CLCN1: variants seen among roughly 807,000 people sequenced by gnomAD.
CLCN1 encodes the protein chloride voltage-gated channel 1.
In CLCN1, 100 loss-of-function variants were observed where a neutral mutation model predicts 114.5. The observed-to-expected ratio is 0.87, with a 90% confidence interval of 0.74 to 1.03. The LOEUF is 1.03. Ranked by LOEUF, CLCN1 falls within the 50% of genes least tolerant of loss-of-function variation. The pLI is 0.00. For missense variants in CLCN1, 1,188 were observed against 1,250.0 expected, an observed-to-expected ratio of 0.95 and a Z score of 0.75; for synonymous variants, 485 against 487.1, an observed-to-expected ratio of 1.00 and a Z score of 0.06.
chr7:143,328,892 C>T (rs4725613), intron 7 of CLCN1, among the ~76,000 whole-genome samples: 67,645 of 151,596 alleles, frequency 0.45, 15,781 homozygotes, highest in Non-Finnish European at 0.54. Context: ...CCCTGCTCAT[C>T]CAGAGAATAG....
chr7:143,319,616 A>G lies in CLCN1; in HGVS notation c.181-139A>G, dbSNP rs549465225. 1.8e-4 allele frequency: 160 copies of G among 870,022 alleles called. No individual in the cohort carries two copies. The African/African-American group carries it at 2.5e-3, about 14-fold the overall frequency. The allele number at this position is 870,022 out of a possible 1,614,324, so 53.9% of individuals were successfully genotyped here. On this transcript the variant is annotated intron_variant, in intron 1 of 22. Transcript: ENST00000343257. ...GAGAGTAGAGGGCAGGGATGACCAC[A>G]AAGTCACCCTGCATGCAGTCAACAC... is the stretch of plus-strand genomic sequence containing the variant.
intron 15 of CLCN1, 37 bp from the exon 16 acceptor site, chr7:143,342,335 C>A: frequency 6.2e-7 from 1 of 1,611,404 alleles, no homozygotes; most frequent in Non-Finnish European, 8.5e-7. Flanking sequence ...GATAGGTATA[C>A]GGTGGGGCTA....
In CLCN1 at chr7:143,331,017, G is replaced by A. The variant is rs1195964242; in HGVS notation, c.979+120G>A. ...TAATGGGCGGCATCATTTGTGGGGT[G>A]GGACCAAGGCCCAAGGGTGTATGAC... On this transcript the variant is annotated intron_variant, in intron 8 of 22. Transcript: ENST00000343257. 3.4e-6 allele frequency: 5 copies of A among 1,450,006 alleles called. No individual in the cohort carries two copies. In the Admixed American group the frequency reaches 6.7e-5, roughly 20 times the overall value. The allele number at this position is 1,450,006 out of a possible 1,614,324, so 89.8% of individuals were successfully genotyped here.
intron 2 of CLCN1, among the ~76,000 whole-genome samples, chr7:143,320,251 A>C (rs1477742114): frequency 6.6e-6 from 1 of 152,244 alleles, no homozygotes; most frequent in Non-Finnish European, 1.5e-5. Flanking sequence ...CTGGGATTAG[A>C]GGCGTGAGCC....
At position 143,342,572 on chromosome 7, in the gene CLCN1, G is replaced by T. The variant is rs1437957286; in HGVS notation, c.1930+67G>T. The T allele has an allele frequency of 2.6e-6, 4 of 1,556,880 alleles. No homozygotes were observed. The East Asian group carries it at 9.0e-5, about 35-fold the overall frequency. ...GAATAAGGGTCACATAGAGGTAGAG[G>T]AGGCCCCATGGTGGGGGCTTTGTCT... On this transcript the variant is annotated intron_variant, in intron 16 of 22. Coordinates refer to ENST00000343257, the MANE Select transcript of CLCN1 (RefSeq NM_000083.3).
chr7:143,323,249 G>A, intron 5 of CLCN1, 60 bp from the exon 6 acceptor site: 3 of 878,842 alleles, frequency 3.4e-6, no homozygotes, highest in Non-Finnish European at 5.9e-6. Flanking sequence ...TTAGTCCAGT[G>A]AGTGCTGCAG....
chr7:143,322,045 G>A (rs1366071561), intron 5 of CLCN1, among the ~76,000 whole-genome samples, 197 bp downstream of exon 5: 3 of 152,248 alleles, frequency 2.0e-5, no homozygotes, highest in Non-Finnish European at 2.9e-5. Flanking sequence ...ACAGCTTGGG[G>A]AGCTTGGAGC....
chr7:143,321,794 C>T lies in CLCN1; in HGVS notation c.642C>T (p.Ala214=), dbSNP rs780434904. 4 of 1,614,104 alleles carry T rather than the reference C, an allele frequency of 2.5e-6. No individual in the cohort carries two copies. The highest frequency in any genetic ancestry group is 3.4e-6 in the Non-Finnish European group (4 of 1,180,042). The part of the protein sequence containing the change: ...KEYLTMKAFV[A]KVVALTAGLG... ...ACCTCACAATGAAAGCCTTTGTGGC[C>T]AAGGTTGTCGCCCTGACTGCGGGCC... Residue 214 remains alanine (A), a synonymous_variant, in exon 5 of 23, where the codon GCC becomes GCT. Coordinates refer to ENST00000343257, the MANE Select transcript of CLCN1 (RefSeq NM_000083.3). The surrounding 1 kb of genome is among the most constrained non-coding windows in gnomAD (Gnocchi z 4.2).
Position 143,348,842 on chromosome 7 carries a change from G to A in CLCN1, c.2404-1530G>A, listed in dbSNP as rs77119116. ...AACAGCAACGTCCTGCATCCCTTGCGCAAAAGCTGGAGATGTACCTGGAAT... is the reference window on the plus strand; with the variant it reads ...AACAGCAACGTCCTGCATCCCTTGCACAAAAGCTGGAGATGTACCTGGAAT... On this transcript the variant is annotated intron_variant, in intron 20 of 22. Transcript: ENST00000343257. Among the ~76,000 whole-genome samples the A allele has an allele frequency of 4.4e-3, 674 of 152,244 alleles. 4 individuals are homozygous for A. Among genetic ancestry groups the A allele is most frequent in the African/African-American group, 0.015 (642 of 41,546 alleles).
rs766109574 is a variant in CLCN1, at chr7:143,330,743, C to A, written c.854-29C>A. On this transcript the variant is annotated intron_variant, in intron 7 of 22. Coordinates refer to ENST00000343257, the MANE Select transcript of CLCN1 (RefSeq NM_000083.3). ...GGGGGAGCACTTTCACTGCTGGCTG[C>A]CCCCAACCACACTTCTGTGCCCCTG... 4 of 1,613,480 alleles carry A rather than the reference C, an allele frequency of 2.5e-6. No homozygotes were observed. The South Asian group carries it at 3.3e-5, about 13-fold the overall frequency.
At chr7:143,349,525 G>A (rs1392339795) in intron 20 of CLCN1, among the ~76,000 whole-genome samples, 1 of 152,234 alleles carries the variant, frequency 6.6e-6, no homozygotes, top group Non-Finnish European at 1.5e-5. Context: ...AGCCAGAGAT[G>A]TAATGGATTA....
chr7:143,349,427 A>C (rs1480086077), intron 20 of CLCN1, among the ~76,000 whole-genome samples: 1 of 152,200 alleles, frequency 6.6e-6, no homozygotes, highest in Admixed American at 6.5e-5. Context: ...AGAGGTGTAG[A>C]TTTGGACAAA....
At position 143,350,763 on chromosome 7, in the gene CLCN1, C is replaced by T; in HGVS notation, c.2595+109C>T. On this transcript the variant is annotated intron_variant, in intron 22 of 22. Coordinates refer to ENST00000343257, the MANE Select transcript of CLCN1 (RefSeq NM_000083.3). This position sits in a 1 kb window ranked among gnomAD's most constrained non-coding sequence, Gnocchi z 5.1. Reference sequence around the variant, plus strand: ...AGCATCTCAGAAGTCCCCTCAGATTCCCTTCTCTATTTCTTTCTTTTTTTT... The same window carrying T: ...AGCATCTCAGAAGTCCCCTCAGATTTCCTTCTCTATTTCTTTCTTTTTTTT... The T allele has an allele frequency of 1.3e-6, 1 of 785,420 alleles. No homozygotes were observed. The highest frequency in any genetic ancestry group is 2.1e-6 in the Non-Finnish European group (1 of 467,640). 48.7% of individuals were successfully genotyped at this position (785,420 alleles called of 1,614,324 possible). A position where few individuals can be genotyped will look rare whatever the true frequency, so the allele number is the denominator to read the frequency against.
At chr7:143,348,892 C>A (rs1053848131) in intron 20 of CLCN1, among the ~76,000 whole-genome samples, 1 of 152,144 alleles carries the variant, frequency 6.6e-6, no homozygotes, top group Non-Finnish European at 1.5e-5. Context: ...AGGTTAGAAG[C>A]CCAGCTCCAC....
At chr7:143,327,415 T>A (rs1802605436) in intron 7 of CLCN1, among the ~76,000 whole-genome samples, 1 of 152,050 alleles carries the variant, frequency 6.6e-6, no homozygotes, top group South Asian at 2.1e-4. Flanking sequence ...CGGGGTGAAT[T>A]AAAGTCATGA....
chr7:143,340,128 T>G (rs1198895790), intron 14 of CLCN1, among the ~76,000 whole-genome samples: 1 of 152,220 alleles, frequency 6.6e-6, no homozygotes, highest in African/African-American at 2.4e-5. Context: ...ACTTCTGAGA[T>G]AGAGCTATGC....
chr7:143,346,343 CGGGGTGGGGTGG>C, intron 18 of CLCN1, 92 bp downstream of exon 18: 1 of 547,154 alleles, frequency 1.8e-6, no homozygotes, highest in Non-Finnish European at 3.4e-6. Context: ...AATTCCTATG[CGGGGTGGGGTGG>C]GGGGTGAGGC....
At chr7:143,342,182 G>A in intron 15 of CLCN1, 40 bp downstream of exon 15, 2 of 1,587,884 alleles carry the variant, frequency 1.3e-6, no homozygotes, top group Non-Finnish European at 1.7e-6. Flanking sequence ...ATCTGATGGG[G>A]AGAGTGGGAG....
In CLCN1 at chr7:143,337,807, C is replaced by CTTTTT. The variant is rs869078445; in HGVS notation, c.1402-1413_1402-1409dup. Among the ~76,000 whole-genome samples the CTTTTT allele has an allele frequency of 1.7e-4, 8 of 46,078 alleles. 1 individual carries two copies. Among genetic ancestry groups the CTTTTT allele is most frequent in the East Asian group, 7.1e-4 (1 of 1,408 alleles). The allele number at this position is 46,078 out of a possible 152,430, so 30.2% of individuals were successfully genotyped here. On this transcript the variant is annotated intron_variant, in intron 12 of 22. Transcript: ENST00000343257. ...CTTTTTTCCATTCTATTTCTCAATT[C>CTTTTT]TTTTTTTTTTTTTTTTTTTTTTTTT...
Sources: gnomAD v4.1 joint callset for allele counts (sites outside exome capture counted in the v4.1 genomes callset) on GRCh38, gnomAD v4.1.1 for gene constraint, Gnocchi (gnomAD v3.1) non-coding constraint, MANE v1.5 for transcripts, NCBI Gene and HGNC (gene_info 2026-07-23, HGNC 2026-07-21) for gene names.